Variants in KRABD3 observed in about 807,000 individuals in gnomAD.
KRABD3 encodes KRAB domain containing 3.
chr7:149,725,578 G>C, the KRABD3 span: 1 of 1,316,342 alleles, frequency 7.6e-7, no homozygotes. Flanking sequence ...TGTGTTCCCC[G>C]GCCTCCTGAG....
chr7:149,732,185 A>G, the KRABD3 span, among the ~76,000 whole-genome samples: 1 of 152,146 alleles, frequency 6.6e-6, no homozygotes, highest in African/African-American at 2.4e-5. This position sits in a 1 kb window ranked among gnomAD's most constrained non-coding sequence, Gnocchi z 4.0. Flanking sequence ...GCCCCACACC[A>G]GGAACTTTGA....
the KRABD3 span, among the ~76,000 whole-genome samples, chr7:149,723,161 C>G: frequency 1.6e-4 from 25 of 152,324 alleles, no homozygotes; most frequent in African/African-American, 5.1e-4. Context: ...GCAGGCTTTG[C>G]CCTGGTTTCT....
At chr7:149,729,639 C>A in the KRABD3 span, 1 of 985,244 alleles carries the variant, frequency 1.0e-6, no homozygotes. Context: ...AGGGGGCTCC[C>A]GCCGTCCACT....
At chr7:149,724,550 CAG>C in the KRABD3 span, 7 of 807,110 alleles carry the variant, frequency 8.7e-6, no homozygotes, top group Non-Finnish European at 1.3e-5. Flanking sequence ...CGTGGAGGCA[CAG>C]GGGCTTTGGA....
the KRABD3 span, chr7:149,728,569 C>T: frequency 1.2e-6 from 2 of 1,613,764 alleles, no homozygotes; most frequent in Non-Finnish European, 1.7e-6. Flanking sequence ...AGAATTGTCT[C>T]AAGGAGATAC....
the KRABD3 span, among the ~76,000 whole-genome samples, chr7:149,717,495 T>C: frequency 6.6e-6 from 1 of 152,242 alleles, no homozygotes; most frequent in Admixed American, 6.5e-5. Flanking sequence ...AATAACTCTT[T>C]GAGAGAAGTT....
At chr7:149,720,840 C>T in the KRABD3 span, 1 of 1,586,598 alleles carries the variant, frequency 6.3e-7, no homozygotes, top group Non-Finnish European at 8.6e-7. Flanking sequence ...TGCAGGGGGA[C>T]AGCCCCGGCA....
chr7:149,728,454 A>G, the KRABD3 span: 9 of 1,533,164 alleles, frequency 5.9e-6, no homozygotes, highest in African/African-American at 1.4e-5. Context: ...AGCAGAAGAC[A>G]GGGGGCTTCT....
the KRABD3 span, among the ~76,000 whole-genome samples, chr7:149,730,984 A>G: frequency 1.3e-5 from 2 of 152,184 alleles, no homozygotes; most frequent in Admixed American, 6.5e-5. Context: ...AATGCTGCCT[A>G]TTGCCCCAGG....
the KRABD3 span, chr7:149,715,014 G>A: frequency 1.5e-5 from 19 of 1,226,618 alleles, no homozygotes; most frequent in Non-Finnish European, 1.7e-5. Context: ...GCCAGGGCCC[G>A]CGCCGGAAAC....
At chr7:149,732,682 GA>G in the KRABD3 span, among the ~76,000 whole-genome samples, 1 of 152,192 alleles carries the variant, frequency 6.6e-6, no homozygotes, top group African/African-American at 2.4e-5. This position sits in a 1 kb window ranked among gnomAD's most constrained non-coding sequence, Gnocchi z 4.0. Flanking sequence ...AGTAAAAGCA[GA>G]AGGGGGTGGG....
the KRABD3 span, chr7:149,714,969 C>T: frequency 2.2e-5 from 25 of 1,141,916 alleles, no homozygotes; most frequent in Admixed American, 7.1e-4. Context: ...CTGCGCGGAC[C>T]TGGGCCGCCG....
At chr7:149,725,964 C>T in the KRABD3 span, 14 of 1,605,802 alleles carry the variant, frequency 8.7e-6, no homozygotes, top group Admixed American at 5.1e-5. Flanking sequence ...CCTGGCCCCC[C>T]GAGGAACCCC....
the KRABD3 span, chr7:149,733,683 G>T: frequency 6.3e-7 from 1 of 1,584,352 alleles, no homozygotes; most frequent in Non-Finnish European, 8.6e-7. Context: ...ACCGCTCGCC[G>T]GGCACGTCCG....
the KRABD3 span, among the ~76,000 whole-genome samples, chr7:149,727,900 G>A: frequency 5.9e-5 from 9 of 152,184 alleles, no homozygotes; most frequent in Non-Finnish European, 1.2e-4. Context: ...AAGTTCTGAG[G>A]TTGCCCTCCC....
At chr7:149,725,526 G>T in the KRABD3 span, 1 of 1,554,360 alleles carries the variant, frequency 6.4e-7, no homozygotes. Context: ...GCATGTCCCT[G>T]AGCGTGGCAG....
chr7:149,720,118 G>A, the KRABD3 span: 1 of 1,551,918 alleles, frequency 6.4e-7, no homozygotes, highest in Admixed American at 2.0e-5. Context: ...TGGTTGTGGA[G>A]ATCCCCAGGG....
chr7:149,719,432 C>A, the KRABD3 span: 1 of 1,099,730 alleles, frequency 9.1e-7, no homozygotes, highest in Non-Finnish European at 1.2e-6. The surrounding 1 kb of genome is among the most constrained non-coding windows in gnomAD (Gnocchi z 5.6). Context: ...CAGACCCTGG[C>A]TATTATCCTG....
chr7:149,731,388 C>T, the KRABD3 span, among the ~76,000 whole-genome samples: 3 of 152,190 alleles, frequency 2.0e-5, no homozygotes, highest in Non-Finnish European at 2.9e-5. Context: ...TTGGAAGTCT[C>T]ACTGGGGCAG....
Sources: allele counts gnomAD v4.1 joint callset (sites outside exome capture counted in the v4.1 genomes callset), GRCh38; gene constraint gnomAD v4.1.1; non-coding constraint Gnocchi (gnomAD v3.1); transcripts MANE v1.5; gene names NCBI Gene and HGNC (gene_info 2026-07-23, HGNC 2026-07-21).